Variants in PPA2 observed in about 807,000 individuals in gnomAD.
PPA2 encodes the protein inorganic pyrophosphatase 2, mitochondrial.
In PPA2, 48 loss-of-function variants were observed where a neutral mutation model predicts 49.5. That is an observed-to-expected ratio of 0.97 (90% CI 0.77 to 1.23). The LOEUF (loss-of-function observed/expected upper bound fraction) is 1.23. Ranked by LOEUF, PPA2 falls within the 50% of genes most tolerant of loss-of-function variation. The pLI, the probability that PPA2 is intolerant of heterozygous loss-of-function variation, is 0.00. For synonymous variants in PPA2, 131 were observed against 139.9 expected (o/e 0.94, Z 0.45); for missense variants, 429 against 410.1 (o/e 1.05, Z -0.40).
At chr4:105,445,099 C>T (rs1456017564) in intron 5 of PPA2, among the ~76,000 whole-genome samples, 2 of 152,088 alleles carry the variant, frequency 1.3e-5, no homozygotes, top group Non-Finnish European at 2.9e-5. Context: ...CTTTATATAC[C>T]CAACACCTAA....
chr4:105,461,475 T>TATC (rs1723090238), intron 1 of PPA2, among the ~76,000 whole-genome samples: 1 of 152,214 alleles, frequency 6.6e-6, no homozygotes. Flanking sequence ...TTTCGGTTGG[T>TATC]ATCAGCATCT....
intron 1 of PPA2, among the ~76,000 whole-genome samples, chr4:105,463,604 T>A (rs1723182139): frequency 6.6e-6 from 1 of 152,242 alleles, no homozygotes; most frequent in South Asian, 2.1e-4. Flanking sequence ...ACGGCAGCCC[T>A]TCCCATCACA....
intron 2 of PPA2, chr4:105,456,054 T>G: frequency 3.0e-6 from 1 of 331,208 alleles, no homozygotes; most frequent in Non-Finnish European, 6.0e-6. Context: ...CAATTTTGAT[T>G]TGATAGCATC....
At chr4:105,391,160 G>C (rs981373368) in intron 9 of PPA2, among the ~76,000 whole-genome samples, 3 of 151,886 alleles carry the variant, frequency 2.0e-5, no homozygotes, top group Non-Finnish European at 4.4e-5. Flanking sequence ...ACAGGGAAGG[G>C]AACAACACAC....
At chr4:105,441,478 G>A (rs1046618620) in intron 5 of PPA2, among the ~76,000 whole-genome samples, 1 of 152,008 alleles carries the variant, frequency 6.6e-6, no homozygotes. Context: ...GCTGGCAGGA[G>A]TATAAATTGT....
chr4:105,443,160 T>C (rs1724443841), intron 5 of PPA2, among the ~76,000 whole-genome samples: 1 of 150,818 alleles, frequency 6.6e-6, no homozygotes, highest in African/African-American at 2.4e-5. Flanking sequence ...GGAATGGGAG[T>C]AGGGTTAAAA....
intron 5 of PPA2, among the ~76,000 whole-genome samples, chr4:105,444,397 C>T (rs1200927442): frequency 6.6e-6 from 1 of 152,180 alleles, no homozygotes; most frequent in Non-Finnish European, 1.5e-5. Context: ...AGAAAAGCAT[C>T]TGCAAATTTG....
In PPA2 at chr4:105,386,576, T is replaced by C; in HGVS notation, c.930A>G (p.Leu310=). Residue 310 remains leucine (L), a synonymous_variant, in exon 10 of 12, where the codon TTA becomes TTG. Coordinates refer to ENST00000341695, the MANE Select transcript of PPA2 (RefSeq NM_176869.3). ...GATGTTTGCCCCTTACCGATTCAAC[T>C]AATGATCTTGCTTCCTCTTGAGTGC... ...FRCTQEEARS[L]VESVSSSPNK... The C allele has an allele frequency of 1.2e-6, 2 of 1,611,302 alleles. No homozygotes were observed. The highest frequency in any genetic ancestry group is 1.7e-6 in the Non-Finnish European group (2 of 1,177,778).
chr4:105,399,319 T>C (rs1278870883), intron 7 of PPA2, 155 bp from the exon 8 acceptor site: 3 of 635,684 alleles, frequency 4.7e-6, no homozygotes, highest in Non-Finnish European at 7.9e-6. Context: ...ATCATTGATA[T>C]GTATATCACC....
chr4:105,408,072 C>A (rs562492202), intron 7 of PPA2, among the ~76,000 whole-genome samples: 1 of 130,138 alleles, frequency 7.7e-6, no homozygotes, highest in African/African-American at 2.8e-5. Context: ...TCTAGATAGG[C>A]GGGTAGATAA....
chr4:105,406,289 A>G (rs1162970689), intron 7 of PPA2, among the ~76,000 whole-genome samples: 1 of 152,120 alleles, frequency 6.6e-6, no homozygotes, highest in African/African-American at 2.4e-5. Context: ...AAGATGAAAT[A>G]GACTGGAAGC....
chr4:105,444,656 C>T lies in PPA2; in HGVS notation c.441+1727G>A, dbSNP rs76528501. ...CAGAAGCTTCTTTTGTTTTTACCTC[C>T]GTTCCTCCCCTTCTCTCTTTCCTGT... On this transcript the variant is annotated intron_variant, in intron 5 of 11. Coordinates refer to ENST00000341695, the MANE Select transcript of PPA2 (RefSeq NM_176869.3). Among the ~76,000 whole-genome samples, 1,137 of 152,210 alleles carry T rather than the reference C, an allele frequency of 7.5e-3. 15 individuals are homozygous for T. Among genetic ancestry groups the T allele is most frequent in the African/African-American group, 0.026 (1,074 of 41,544 alleles).
chr4:105,456,201 A>T lies in PPA2; in HGVS notation c.222+480T>A, dbSNP rs571452144. On this transcript the variant is annotated intron_variant, in intron 2 of 11. Coordinates refer to ENST00000341695, the MANE Select transcript of PPA2 (RefSeq NM_176869.3). ...GTTTCATAGAGTGGTTAAAGAGCAT[A>T]AGCTTTGTGGTCAGAAGCTAATTCC... 663 of 476,164 alleles carry T rather than the reference A, an allele frequency of 1.4e-3. 10 individuals carry two copies. The highest frequency in any genetic ancestry group is 0.01 in the South Asian group (643 of 64,106). 29.5% of individuals were successfully genotyped at this position (476,164 alleles called of 1,614,324 possible). A position where few individuals can be genotyped will look rare whatever the true frequency, so the allele number is the denominator to read the frequency against.
chr4:105,380,480 A>T (rs138316237), intron 10 of PPA2, among the ~76,000 whole-genome samples: 18 of 152,250 alleles, frequency 1.2e-4, no homozygotes, highest in African/African-American at 3.6e-4. Context: ...TTTTCTGGGC[A>T]TATAAATTTT....
chr4:105,410,033 G>A (rs757052395), intron 7 of PPA2, among the ~76,000 whole-genome samples: 9 of 152,220 alleles, frequency 5.9e-5, no homozygotes, highest in Non-Finnish European at 8.8e-5. Flanking sequence ...CTCCTCGCCA[G>A]CAATGGAACA....
Position 105,450,272 on chromosome 4 carries a change from G to T in PPA2, c.268-869C>A, listed in dbSNP as rs184387104. Among the ~76,000 whole-genome samples, 41 of 152,222 alleles carry T rather than the reference G, an allele frequency of 2.7e-4. No individual in the cohort carries two copies. The East Asian group carries it at 7.1e-3, about 26-fold the overall frequency. On this transcript the variant is annotated intron_variant, in intron 3 of 11. Coordinates refer to ENST00000341695, the MANE Select transcript of PPA2 (RefSeq NM_176869.3). The stretch of plus-strand genomic sequence containing the variant: ...AAAGACCAGGGCCAGTCTGCAAACC[G>T]ATTGTTACTGGCTCATTTACAAACA...
chr4:105,440,077 A>G (rs17035594), intron 5 of PPA2, among the ~76,000 whole-genome samples: 4,995 of 151,956 alleles, frequency 0.033, 274 homozygotes, highest in African/African-American at 0.11. Context: ...CTCCTTGCTA[A>G]TGCAGAAATC....
chr4:105,370,793 T>G, intron 11 of PPA2, 44 bp downstream of exon 11: 1 of 1,363,584 alleles, frequency 7.3e-7, no homozygotes. Context: ...TGTAAACAAA[T>G]AAATTTATAC....
At chr4:105,385,218 C>T (rs1309678868) in intron 10 of PPA2, among the ~76,000 whole-genome samples, 1 of 152,136 alleles carries the variant, frequency 6.6e-6, no homozygotes, top group Non-Finnish European at 1.5e-5. Context: ...TCATTTTTGT[C>T]ATTTTTTCAG....
Sources: gnomAD v4.1 joint callset for allele counts (sites outside exome capture counted in the v4.1 genomes callset) on GRCh38, gnomAD v4.1.1 for gene constraint, MANE v1.5 for transcripts, NCBI Gene and HGNC (gene_info 2026-07-23, HGNC 2026-07-21) for gene names.